FSHR: variants seen among roughly 807,000 people sequenced by gnomAD.
FSHR encodes follicle-stimulating hormone receptor.
A neutral mutation model predicts 52.1 loss-of-function variants in FSHR; 46 were observed. The ratio of observed to expected loss-of-function variants is 0.88; its 90% CI spans 0.70 to 1.13. FSHR has a LOEUF of 1.13. Ranked by LOEUF, FSHR falls within the 50% of genes most tolerant of loss-of-function variation. The probability of loss-of-function intolerance (pLI) is 0.00; values close to 1 mark genes in which losing one functional copy is unlikely to be tolerated. For synonymous variants in FSHR, 399 were observed against 309.6 expected, an observed-to-expected ratio of 1.29 and a Z score of -3.03; for missense variants, 964 against 834.6, an observed-to-expected ratio of 1.16 and a Z score of -1.91.
chr2:49,075,155 T>C (rs1669901824), intron 1 of FSHR, among the ~76,000 whole-genome samples: 1 of 152,118 alleles, frequency 6.6e-6, no homozygotes, highest in African/African-American at 2.4e-5. Context: ...TTAACAATAA[T>C]ATATAGTTGC....
rs960787119 is a variant in FSHR at position 48,989,193 on chromosome 2, C to T, written c.447-139G>A. On this transcript the variant is annotated intron_variant, in intron 5 of 9. Transcript: ENST00000406846. Reference sequence around the variant, plus strand: ...AACTAGTTGTTGTTTAGAAGATGATCAGCTCAAAGTTTGGAGAAAAAATTG... The same window carrying T: ...AACTAGTTGTTGTTTAGAAGATGATTAGCTCAAAGTTTGGAGAAAAAATTG... 1.7e-4 allele frequency: 111 copies of T among 652,804 alleles called. 2 individuals are homozygous for T. The South Asian group carries it at 1.9e-3, about 11-fold the overall frequency. The allele number at this position is 652,804 out of a possible 1,614,324, so 40.4% of individuals were successfully genotyped here.
chr2:49,127,848 TTC>T (rs1672101698), intron 1 of FSHR, among the ~76,000 whole-genome samples: 5 of 24,890 alleles, frequency 2.0e-4, no homozygotes, highest in African/African-American at 1.7e-3. Context: ...CTTCTTCTTC[TTC>T]TTCTTCTTCT....
At chr2:49,123,977 T>C (rs983732383) in intron 1 of FSHR, among the ~76,000 whole-genome samples, 1 of 151,972 alleles carries the variant, frequency 6.6e-6, no homozygotes, top group Non-Finnish European at 1.5e-5. Context: ...TCAAGAGCTC[T>C]TGAGTTTTTC....
intron 4 of FSHR, among the ~76,000 whole-genome samples, chr2:48,999,106 T>A (rs1257070158): frequency 6.6e-6 from 1 of 152,044 alleles, no homozygotes; most frequent in East Asian, 1.9e-4. Flanking sequence ...AAGAAGCCTG[T>A]GTGATTCTGA....
intron 1 of FSHR, among the ~76,000 whole-genome samples, chr2:49,106,897 G>A (rs543557030): frequency 3.9e-5 from 6 of 152,212 alleles, no homozygotes; most frequent in South Asian, 2.1e-4. Flanking sequence ...GCAGCCTCTC[G>A]CCTTAAGCAT....
rs572874380 is a variant in FSHR at position 49,134,564 on chromosome 2, G to T, written c.152+19702C>A. 9.4e-4 allele frequency among the ~76,000 whole-genome samples: 143 copies of T among 152,056 alleles called. 1 individual carries two copies. Among genetic ancestry groups the T allele is most frequent in the Non-Finnish European group, 1.7e-3 (119 of 68,006 alleles). ...ATTTGACCCAGCCATCTCATTACTG[G>T]GTATATACCCAAAGGATTATAAATC... On this transcript the variant is annotated intron_variant, in intron 1 of 9. Transcript: ENST00000406846.
At chr2:49,036,650 C>T (rs1412648019) in intron 2 of FSHR, among the ~76,000 whole-genome samples, 1 of 152,108 alleles carries the variant, frequency 6.6e-6, no homozygotes, top group Non-Finnish European at 1.5e-5. Flanking sequence ...TGTCTAGATG[C>T]TCAGTACCAT....
At chr2:49,030,639 C>T (rs1410971409) in intron 2 of FSHR, among the ~76,000 whole-genome samples, 1 of 152,176 alleles carries the variant, frequency 6.6e-6, no homozygotes, top group East Asian at 1.9e-4. Context: ...TATTTTATCC[C>T]TTGGAAGCCT....
chr2:49,092,514 C>A (rs551284477), intron 1 of FSHR, among the ~76,000 whole-genome samples: 15 of 152,274 alleles, frequency 9.9e-5, no homozygotes, highest in African/African-American at 3.6e-4. Context: ...TTGCTTCTAT[C>A]TCTAGTCTGC....
At chr2:48,980,991 A>G (rs983359646) in intron 8 of FSHR, among the ~76,000 whole-genome samples, 2 of 152,238 alleles carry the variant, frequency 1.3e-5, no homozygotes, top group African/African-American at 4.8e-5. Flanking sequence ...TCTTAGGAAC[A>G]TTCAAAACTT....
chr2:48,987,774 C>A, intron 6 of FSHR, among the ~76,000 whole-genome samples: 1 of 151,344 alleles, frequency 6.6e-6, no homozygotes, highest in East Asian at 1.9e-4. Context: ...ATTCTGCTCG[C>A]GTTTTAGTTT....
intron 1 of FSHR, among the ~76,000 whole-genome samples, chr2:49,089,298 T>C (rs1224085263): frequency 6.6e-6 from 1 of 152,156 alleles, no homozygotes; most frequent in African/African-American, 2.4e-5. Flanking sequence ...ATTGTTTCTT[T>C]CAAATATGAA....
chr2:49,049,223 T>A (rs1668768508), intron 2 of FSHR, among the ~76,000 whole-genome samples: 1 of 152,028 alleles, frequency 6.6e-6, no homozygotes, highest in Non-Finnish European at 1.5e-5. Context: ...CTGGTATATC[T>A]CTGAGCACTG....
At position 48,982,998 on chromosome 2, in the gene FSHR, G is replaced by A. The variant is rs752341125; in HGVS notation, c.594-12C>T. On this transcript the variant is annotated splice_polypyrimidine_tract_variant and intron_variant, in intron 7 of 9. Transcript: ENST00000406846. ...TATCGCTTAGATTCCTGGGGATGGG[G>A]TTGAGGAAAGAAGAAGGAAAACACA... 1.2e-6 allele frequency: 2 copies of A among 1,613,072 alleles called. No homozygotes were observed. Among genetic ancestry groups the A allele is most frequent in the Non-Finnish European group, 8.5e-7 (1 of 1,179,032 alleles).
intron 1 of FSHR, among the ~76,000 whole-genome samples, chr2:49,132,756 C>T (rs1358698432): frequency 6.6e-6 from 1 of 151,950 alleles, no homozygotes; most frequent in Non-Finnish European, 1.5e-5. Flanking sequence ...TCAACCACAA[C>T]CCACTTACTC....
At chr2:49,074,883 C>A (rs1296200447) in intron 1 of FSHR, among the ~76,000 whole-genome samples, 3 of 152,050 alleles carry the variant, frequency 2.0e-5, no homozygotes, top group Non-Finnish European at 4.4e-5. Context: ...CTGTCATTTG[C>A]AGCAACATGG....
intron 2 of FSHR, among the ~76,000 whole-genome samples, chr2:49,060,469 C>T (rs1669245245): frequency 2.0e-5 from 3 of 152,262 alleles, no homozygotes; most frequent in Non-Finnish European, 4.4e-5. Flanking sequence ...CCTTGACCAG[C>T]CAGGGTGGTC....
chr2:49,003,255 A>G (rs1417156124), intron 4 of FSHR, among the ~76,000 whole-genome samples: 1 of 152,130 alleles, frequency 6.6e-6, no homozygotes, highest in Non-Finnish European at 1.5e-5. Context: ...TACCCAAACA[A>G]AAAGGTTCCA....
At chr2:49,082,366 C>T (rs1272583311) in intron 1 of FSHR, among the ~76,000 whole-genome samples, 1 of 151,866 alleles carries the variant, frequency 6.6e-6, no homozygotes, top group African/African-American at 2.4e-5. Flanking sequence ...CATCAAAGAC[C>T]AAAAGTAGAT....
Sources: allele counts gnomAD v4.1 joint callset (sites outside exome capture counted in the v4.1 genomes callset), GRCh38; gene constraint gnomAD v4.1.1; transcripts MANE v1.5; gene names NCBI Gene and HGNC (gene_info 2026-07-23, HGNC 2026-07-21).